Variants in POLN observed in about 807,000 individuals in gnomAD.
POLN encodes the protein DNA polymerase N.
In POLN, 108 loss-of-function variants were observed where a neutral mutation model predicts 113.5. The observed-to-expected ratio is 0.95, with a 90% confidence interval of 0.81 to 1.12. The LOEUF is 1.12. Among genes scored for constraint, POLN ranks in the 50% most tolerant of loss-of-function variants. POLN has a pLI of 0.00. For synonymous variants in POLN, 386 were observed against 391.5 expected, an observed-to-expected ratio of 0.99 and a Z score of 0.17; for missense variants, 1,097 against 1,077.1, an observed-to-expected ratio of 1.02 and a Z score of -0.26.
intron 7 of POLN, among the ~76,000 whole-genome samples, chr4:2,191,529 G>A (rs1027405321): frequency 1.3e-5 from 2 of 151,952 alleles, no homozygotes; most frequent in Admixed American, 6.6e-5. Flanking sequence ...AATGTTTAAG[G>A]TGATAGATAT....
chr4:2,238,329 T>A (rs1734839949), intron 2 of POLN, among the ~76,000 whole-genome samples: 1 of 151,760 alleles, frequency 6.6e-6, no homozygotes, highest in South Asian at 2.1e-4. Context: ...GGTATATAAA[T>A]AATGATGCCT....
chr4:2,174,453 A>G (rs1313936383), intron 10 of POLN, among the ~76,000 whole-genome samples: 1 of 152,240 alleles, frequency 6.6e-6, no homozygotes, highest in African/African-American at 2.4e-5. Flanking sequence ...CTCCTTGGCC[A>G]GGCAGCACAG....
chr4:2,088,661 T>G, intron 20 of POLN: 1 of 769,076 alleles, frequency 1.3e-6, no homozygotes, highest in East Asian at 3.1e-5. Context: ...CTCTAAGACT[T>G]TAATTAAAAA....
chr4:2,149,716 T>C (rs1051431346), intron 16 of POLN, among the ~76,000 whole-genome samples: 2 of 151,720 alleles, frequency 1.3e-5, no homozygotes, highest in African/African-American at 2.4e-5. Flanking sequence ...AGCCCGGGAG[T>C]TGGAGGCTGC....
At chr4:2,189,626 G>A (rs76831233) in intron 7 of POLN, among the ~76,000 whole-genome samples, 34,057 of 146,572 alleles carry the variant, frequency 0.23, 6,215 homozygotes, top group African/African-American at 0.5. Flanking sequence ...GCGACAGAGA[G>A]AGACTCCATC....
At chr4:2,129,553 C>A (rs1561019520) in intron 17 of POLN, among the ~76,000 whole-genome samples, 1 of 151,874 alleles carries the variant, frequency 6.6e-6, no homozygotes, top group Non-Finnish European at 1.5e-5. Flanking sequence ...CCATGACCAG[C>A]TGATTTTAAA....
intron 19 of POLN, among the ~76,000 whole-genome samples, chr4:2,098,698 C>A (rs917916339): frequency 6.6e-6 from 1 of 152,212 alleles, no homozygotes; most frequent in African/African-American, 2.4e-5. Flanking sequence ...ACTTCTTGTT[C>A]TGTCAGCTGA....
intron 13 of POLN, among the ~76,000 whole-genome samples, chr4:2,167,909 T>G (rs1337604296): frequency 6.6e-6 from 1 of 151,722 alleles, no homozygotes; most frequent in East Asian, 1.9e-4. Context: ...CAAAAAAAAT[T>G]TTTTTTTTAG....
intron 6 of POLN, among the ~76,000 whole-genome samples, chr4:2,194,850 T>C (rs896106456): frequency 2.0e-5 from 3 of 151,950 alleles, no homozygotes; most frequent in African/African-American, 7.3e-5. Flanking sequence ...TGAGTCATGA[T>C]CACAACCACT....
At position 2,195,586 on chromosome 4, in the gene POLN, C is replaced by A. The variant is rs7666644; in HGVS notation, c.909-2270G>T. ...GCAGGCTCAAACTGCTGGACCCAAGCGATCCTCCAACATCAGCCTCTAGAG... is the reference window on the plus strand; with the variant it reads ...GCAGGCTCAAACTGCTGGACCCAAGAGATCCTCCAACATCAGCCTCTAGAG... On this transcript the variant is annotated intron_variant, in intron 6 of 25. Transcript: ENST00000511885. 3.3e-5 allele frequency among the ~76,000 whole-genome samples: 5 copies of A among 151,216 alleles called. No individual in the cohort carries two copies. In the South Asian group the frequency reaches 6.3e-4, roughly 19 times the overall value.
rs1732445190 is a variant in POLN, at chr4:2,156,824, A to T, written c.1695T>A (p.Thr565=). The change falls in exon 16 of 26, where the codon ACT becomes ACA. Residue 565 remains threonine, a synonymous_variant. Transcript: ENST00000511885. ...CTGAAAGTCTTCCAGTCACAGTTCC[A>T]GTCTGATTCCATGTAGAGGAAATGG... The part of the protein sequence containing the change: ...KGSISSTWNQ[T]GTVTGRLSAK... 6.2e-7 allele frequency: 1 copy of T among 1,613,254 alleles called. No homozygotes were observed. The highest frequency in any genetic ancestry group is 1.3e-5 in the African/African-American group (1 of 75,056).
At chr4:2,138,318 ACC>A (rs775020008) in intron 16 of POLN, among the ~76,000 whole-genome samples, 8 of 152,132 alleles carry the variant, frequency 5.3e-5, no homozygotes, top group Non-Finnish European at 1.2e-4. Context: ...GACATTAGTT[ACC>A]CCAAGAGCTC....
chr4:2,109,323 A>G (rs1203350831), intron 19 of POLN, among the ~76,000 whole-genome samples: 3 of 152,250 alleles, frequency 2.0e-5, no homozygotes, highest in Non-Finnish European at 4.4e-5. Context: ...ATGGTAATCA[A>G]TGTTTAACAA....
chr4:2,146,656 G>A (rs1451969002), intron 16 of POLN, among the ~76,000 whole-genome samples: 1 of 152,180 alleles, frequency 6.6e-6, no homozygotes, highest in Non-Finnish European at 1.5e-5. Flanking sequence ...GCAGATAGGG[G>A]CAGGGGGCTG....
intron 3 of POLN, among the ~76,000 whole-genome samples, chr4:2,218,839 T>A (rs1023967289): frequency 4.6e-5 from 7 of 152,196 alleles, no homozygotes; most frequent in Admixed American, 1.3e-4. Flanking sequence ...TGGTCACAAC[T>A]ATTTGTGGTG....
chr4:2,211,846 T>C (rs1032343267), intron 4 of POLN, among the ~76,000 whole-genome samples: 4 of 151,962 alleles, frequency 2.6e-5, no homozygotes, highest in Admixed American at 2.6e-4. Flanking sequence ...ACAAAATTCT[T>C]TTGAGAGAAA....
chr4:2,141,135 C>G (rs1561032422), intron 16 of POLN: 1 of 152,286 alleles, frequency 6.6e-6, no homozygotes, highest in Non-Finnish European at 1.5e-5. Flanking sequence ...TTGCCTGAAG[C>G]TAGCCCTTCT....
chr4:2,079,001 C>T, intron 23 of POLN: 1 of 857,074 alleles, frequency 1.2e-6, no homozygotes, highest in Non-Finnish European at 1.4e-6. Context: ...ATGATCATGG[C>T]TCACTGCAGC....
chr4:2,226,054 T>C (rs142172633), intron 3 of POLN, among the ~76,000 whole-genome samples: 184 of 152,214 alleles, frequency 1.2e-3, no homozygotes, highest in Non-Finnish European at 2.1e-3. Context: ...GTAGGTGGTA[T>C]AGCTGTTTTT....
Sources: gnomAD v4.1 joint callset for allele counts (sites outside exome capture counted in the v4.1 genomes callset) on GRCh38, gnomAD v4.1.1 for gene constraint, MANE v1.5 for transcripts, NCBI Gene and HGNC (gene_info 2026-07-23, HGNC 2026-07-21) for gene names.